The following LRP3 variants were observed in gnomAD, a reference collection of about 807,000 sequenced individuals.
LRP3 encodes low-density lipoprotein receptor-related protein 3.
A neutral mutation model predicts 58.5 loss-of-function variants in LRP3; 49 were observed. That is an observed-to-expected ratio of 0.84 (90% CI 0.67 to 1.06). The LOEUF (loss-of-function observed/expected upper bound fraction) is 1.06, where lower values mean the gene tolerates loss of function less well. Ranked by LOEUF, LRP3 falls within the 50% of genes least tolerant of loss-of-function variation. The probability of loss-of-function intolerance (pLI) is 0.00; values close to 1 mark genes in which losing one functional copy is unlikely to be tolerated. For synonymous variants in LRP3, 485 were observed against 492.2 expected, an observed-to-expected ratio of 0.99 and a Z score of 0.20; for missense variants, 1,019 against 1,134.2, an observed-to-expected ratio of 0.90 and a Z score of 1.46.
rs1297096246 is a variant in LRP3, at chr19:33,207,506, C to T, written c.2244C>T (p.Cys748=). The change falls in exon 7 of 7, where the codon TGC becomes TGT. Residue 748 remains cysteine (C), a synonymous_variant. Transcript: ENST00000253193. ...ACTCGCCAGAGCCACTGGGGGTCTG[C>T]AGGAACCCCCCGCCCCCCTGCTCCC... ...GPHSPEPLGV[C]RNPPPPCSPM... The T allele has an allele frequency of 1.2e-6, 2 of 1,602,928 alleles. No individual in the cohort carries two copies. The highest frequency in any genetic ancestry group is 1.1e-5 in the South Asian group (1 of 90,572).
chr19:33,197,786 T>C (rs1053311768), intron 2 of LRP3, among the ~76,000 whole-genome samples: 1 of 152,170 alleles, frequency 6.6e-6, no homozygotes, highest in Non-Finnish European at 1.5e-5. Context: ...CCCGGAGCTG[T>C]CAGGCAGCGG....
chr19:33,207,072 C>G lies in LRP3; in HGVS notation c.1810C>G (p.Leu604Val), dbSNP rs950930822. 6 of 1,501,134 alleles carry G rather than the reference C, an allele frequency of 4.0e-6. 1 individual carries two copies. In the Middle Eastern group the frequency reaches 9.9e-4, roughly 247 times the overall value. 93.0% of individuals were successfully genotyped at this position (1,501,134 alleles called of 1,614,324 possible). Residue 604 changes from leucine to valine, a missense_variant, in exon 7 of 7, where the codon CTC (leucine) becomes GTC (valine). By Grantham distance (32) the Leu-to-Val change is conservative (BLOSUM62 1). Around this residue, in one of 2 missense-constraint regions of LRP3, gnomAD observed 427 missense variants for 408.6 expected, o/e 1.04. Transcript: ENST00000253193. ...CCGCCGGGGGCCCTCCCGCCGCCGC[C>G]TCGGCCGCCTCTGGAACCGGCTCTT... is the stretch of plus-strand genomic sequence containing the variant. ...ASRRGPSRRRLGRLWNRLFHR... is the reference protein window; with the variant it reads ...ASRRGPSRRRVGRLWNRLFHR...
rs764235485 is a variant in LRP3, at chr19:33,207,327, C to G, written c.2065C>G (p.Arg689Gly). The change falls in exon 7 of 7, where the codon CGA becomes GGA. Residue 689 changes from arginine (R) to glycine (G), a missense_variant. Transcript: ENST00000253193. ...PSGPPLPSGLRDPECRPVDKD... is the reference protein window; with the variant it reads ...PSGPPLPSGLGDPECRPVDKD... Reference sequence around the variant, plus strand: ...AGGGCCACCCTTGCCCTCGGGCCTGCGAGACCCAGAGTGCAGGCCCGTGGA... The same window carrying G: ...AGGGCCACCCTTGCCCTCGGGCCTGGGAGACCCAGAGTGCAGGCCCGTGGA... 2.5e-6 allele frequency: 4 copies of G among 1,576,548 alleles called. No individual in the cohort carries two copies. Among genetic ancestry groups the G allele is most frequent in the Admixed American group, 1.8e-5 (1 of 55,678 alleles).
rs1379329490 is a variant in LRP3 at position 33,207,432 on chromosome 19, C to T, written c.2170C>T (p.Gln724Ter). Reference sequence around the variant, plus strand: ...TGCACCTCGGGAGCCCTGCTCAGCCCAGGACCCGCACCCCCAGGTCTCCAC... The same window carrying T: ...TGCACCTCGGGAGCCCTGCTCAGCCTAGGACCCGCACCCCCAGGTCTCCAC... ...ADAPREPCSA[Q>*]DPHPQVSTAS... The change falls in exon 7 of 7, where the codon CAG becomes TAG. Residue 724 changes from glutamine to a stop codon, truncating the protein, a stop_gained. Transcript: ENST00000253193. LOFTEE classifies it high-confidence loss of function. 6.3e-7 allele frequency: 1 copy of T among 1,595,192 alleles called. No individual in the cohort carries two copies. Among genetic ancestry groups the T allele is most frequent in the African/African-American group, 1.3e-5 (1 of 74,642 alleles).
At chr19:33,197,915 C>T (rs1017338056) in intron 2 of LRP3, among the ~76,000 whole-genome samples, 3 of 152,220 alleles carry the variant, frequency 2.0e-5, no homozygotes, top group Non-Finnish European at 4.4e-5. Flanking sequence ...TCTCAGGAGC[C>T]CGGCCTCCTC....
rs2145460380 is a variant in LRP3, at chr19:33,207,346, C to A, written c.2084C>A (p.Pro695His). ...PSGLRDPECR[P>H]VDKDRKVCRE... ...GGCCTGCGAGACCCAGAGTGCAGGC[C>A]CGTGGACAAGGACAGAAAGGTCTGC... Residue 695 changes from proline to histidine, a missense_variant, in exon 7 of 7, where the codon CCC (proline) becomes CAC (histidine). Pro to His is a moderately conservative substitution (Grantham distance 77). Coordinates refer to ENST00000253193, the MANE Select transcript of LRP3 (RefSeq NM_002333.4). 2 of 1,585,812 alleles carry A rather than the reference C, an allele frequency of 1.3e-6. No homozygotes were observed. The highest frequency in any genetic ancestry group is 2.3e-5 in the East Asian group (1 of 44,212).
At position 33,205,916 on chromosome 19, in the gene LRP3, C is replaced by T. The variant is rs756455692; in HGVS notation, c.1146C>T (p.Asp382=). ...EQPCGSSSDS[D]GGSLGDQGCF... ...CGTGCGGGAGCAGTAGTGACAGTGA[C>T]GGGGGCAGCCTGGGCGACCAGGGCT... Residue 382 remains aspartate (D), a synonymous_variant, in exon 5 of 7, where the codon GAC becomes GAT. Coordinates refer to ENST00000253193, the MANE Select transcript of LRP3 (RefSeq NM_002333.4). The T allele has an allele frequency of 1.3e-5, 21 of 1,603,668 alleles. No homozygotes were observed. In the East Asian group the frequency reaches 1.8e-4, roughly 14 times the overall value.
chr19:33,208,401 G>A lies in LRP3; in HGVS notation c.*826G>A, dbSNP rs1974454502. 4.9e-6 allele frequency: 1 copy of A among 202,984 alleles called. No homozygotes were observed. The highest frequency in any genetic ancestry group is 1.0e-5 in the Non-Finnish European group (1 of 98,986). The allele number at this position is 202,984 out of a possible 1,614,324, so 12.6% of individuals were successfully genotyped here. A position where few individuals can be genotyped will look rare whatever the true frequency, so the allele number is the denominator to read the frequency against. On this transcript the variant is annotated 3_prime_UTR_variant, in exon 7 of 7. Transcript: ENST00000253193. This position sits in a 1 kb window ranked among gnomAD's most constrained non-coding sequence, Gnocchi z 4.7. ...GCCTGGAGCCCCTGAGCTCTCCTGGGTGGCCGAGCTCAGACTGGCATCGAG... is the reference window on the plus strand; with the variant it reads ...GCCTGGAGCCCCTGAGCTCTCCTGGATGGCCGAGCTCAGACTGGCATCGAG...
chr19:33,200,549 C>A (rs550674715), intron 2 of LRP3, among the ~76,000 whole-genome samples: 100 of 152,310 alleles, frequency 6.6e-4, no homozygotes, highest in African/African-American at 2.3e-3. Flanking sequence ...ATTTCTTCAC[C>A]CTACACCTCC....
chr19:33,207,519 C>T lies in LRP3; in HGVS notation c.2257C>T (p.Pro753Ser), dbSNP rs760088566. ...EPLGVCRNPP[P>S]PCSPMLEASD... ...ACTGGGGGTCTGCAGGAACCCCCCG[C>T]CCCCCTGCTCCCCAATGCTGGAGGC... Residue 753 changes from proline to serine, a missense_variant, in exon 7 of 7, where the codon CCC becomes TCC. Pro to Ser is a moderately conservative substitution (Grantham distance 74). This residue lies in a region of LRP3 where 427 missense variants were observed against 408.6 expected (regional missense o/e 1.04). Coordinates refer to ENST00000253193, the MANE Select transcript of LRP3 (RefSeq NM_002333.4). 1.2e-6 allele frequency: 2 copies of T among 1,603,880 alleles called. No individual in the cohort carries two copies. The highest frequency in any genetic ancestry group is 2.2e-5 in the East Asian group (1 of 44,822).
At chr19:33,205,216 A>T in intron 4 of LRP3, 30 bp from the exon 5 acceptor site, 1 of 1,593,452 alleles carries the variant, frequency 6.3e-7, no homozygotes, top group Non-Finnish European at 8.5e-7. Context: ...CTGTCTCCTG[A>T]CTGTCCCCTG....
At chr19:33,196,085 G>A (rs929797) in intron 1 of LRP3, among the ~76,000 whole-genome samples, 37,639 of 152,152 alleles carry the variant, frequency 0.25, 5,012 homozygotes, top group South Asian at 0.49. Context: ...GGGTGCTTGA[G>A]GGGTGGCTGG....
In LRP3 at chr19:33,194,356, G is replaced by T. The variant is rs1004216194; in HGVS notation, c.-430G>T. Among the ~76,000 whole-genome samples the T allele has an allele frequency of 1.4e-4, 21 of 145,840 alleles. No homozygotes were observed. The highest frequency in any genetic ancestry group is 4.7e-4 in the African/African-American group (19 of 40,812). On this transcript the variant is annotated 5_prime_UTR_variant, in exon 1 of 7. Transcript: ENST00000253193. ...ACAGACCCACGGACGCTCTACCGGCGGCACCCGGCCGGGCGGGCTGGGCGC... is the reference window on the plus strand; with the variant it reads ...ACAGACCCACGGACGCTCTACCGGCTGCACCCGGCCGGGCGGGCTGGGCGC...
At chr19:33,200,125 C>T (rs536030211) in intron 2 of LRP3, among the ~76,000 whole-genome samples, 1 of 152,356 alleles carries the variant, frequency 6.6e-6, no homozygotes, top group Non-Finnish European at 1.5e-5. Flanking sequence ...TTTAGAGATG[C>T]AATGTGGGGG....
Position 33,207,913 on chromosome 19 carries a change from G to A in LRP3, c.*338G>A. On this transcript the variant is annotated 3_prime_UTR_variant, in exon 7 of 7. Transcript: ENST00000253193. Reference sequence around the variant, plus strand: ...CTTCATCTGCCCTGCAGTGGCAACAGCTGCCCCTAGAGCTGGGAGTTGTCA... The same window carrying A: ...CTTCATCTGCCCTGCAGTGGCAACAACTGCCCCTAGAGCTGGGAGTTGTCA... 5.5e-6 allele frequency: 2 copies of A among 360,440 alleles called. No individual in the cohort carries two copies. Among genetic ancestry groups the A allele is most frequent in the Non-Finnish European group, 1.0e-5 (2 of 196,490 alleles). The allele number at this position is 360,440 out of a possible 1,614,324, so 22.3% of individuals were successfully genotyped here. A position where few individuals can be genotyped will look rare whatever the true frequency, so the allele number is the denominator to read the frequency against.
intron 3 of LRP3, 34 bp downstream of exon 3, chr19:33,203,020 T>A: frequency 6.2e-7 from 1 of 1,607,278 alleles, no homozygotes; most frequent in South Asian, 1.1e-5. Flanking sequence ...AAGGAATCAA[T>A]GTGGGCCCAC....
chr19:33,206,553 C>A, intron 5 of LRP3, 48 bp from the exon 6 acceptor site: 1 of 1,592,398 alleles, frequency 6.3e-7, no homozygotes, highest in Non-Finnish European at 8.6e-7. Context: ...GTTCCTGCTG[C>A]AGGTCCCGGG....
In LRP3 at chr19:33,208,724, G is replaced by T; in HGVS notation, c.*1149G>T. Reference sequence around the variant, plus strand: ...GGAAGAGCTAGCAGGGCAGTGCTAAGACAGGAAACCCAGTCCACATTTTAG... The same window carrying T: ...GGAAGAGCTAGCAGGGCAGTGCTAATACAGGAAACCCAGTCCACATTTTAG... On this transcript the variant is annotated 3_prime_UTR_variant, in exon 7 of 7. Transcript: ENST00000253193. The surrounding 1 kb of genome is among the most constrained non-coding windows in gnomAD (Gnocchi z 4.7). The T allele has an allele frequency of 1.2e-6, 1 of 859,672 alleles. No individual in the cohort carries two copies. Among genetic ancestry groups the T allele is most frequent in the Non-Finnish European group, 1.8e-6 (1 of 550,134 alleles). The allele number at this position is 859,672 out of a possible 1,614,324, so 53.3% of individuals were successfully genotyped here.
Position 33,204,533 on chromosome 19 carries a change from C to T in LRP3, c.261-105C>T, listed in dbSNP as rs947635750. 5 of 799,934 alleles carry T rather than the reference C, an allele frequency of 6.3e-6. No homozygotes were observed. The South Asian group carries it at 7.6e-5, about 12-fold the overall frequency. The allele number at this position is 799,934 out of a possible 1,614,324, so 49.6% of individuals were successfully genotyped here. On this transcript the variant is annotated intron_variant, in intron 3 of 6. Transcript: ENST00000253193. ...GTGGGGGCAGCCGGCCGGGACAGGG[C>T]TGGCTGTCCTGGCCGTGGCTCCAGC...
Sources: allele counts gnomAD v4.1 joint callset (sites outside exome capture counted in the v4.1 genomes callset), GRCh38; gene constraint gnomAD v4.1.1; regional missense constraint gnomAD v4.1.1; non-coding constraint Gnocchi (gnomAD v3.1); transcripts MANE v1.5; gene names NCBI Gene and HGNC (gene_info 2026-07-23, HGNC 2026-07-21).